The following KCNN3 variants were observed in gnomAD, a reference collection of about 807,000 sequenced individuals.
The protein encoded by KCNN3 is small conductance calcium-activated potassium channel protein 3.
KCNN3 carries 16 observed loss-of-function variants against 62.9 expected under a neutral mutation model. That is an observed-to-expected ratio of 0.25 (90% CI 0.17 to 0.39). The LOEUF is 0.39. Ranked by LOEUF, KCNN3 falls within the 10% of genes least tolerant of loss-of-function variation. The pLI is 1.00. For synonymous variants in KCNN3, 370 were observed against 389.2 expected (o/e 0.95, Z 0.58); for missense variants, 599 against 949.4 (o/e 0.63, Z 4.85).
At chr1:154,822,000 G>C in intron 2 of KCNN3, 89 bp downstream of exon 2, 1 of 916,936 alleles carries the variant, frequency 1.1e-6, no homozygotes, top group Non-Finnish European at 1.8e-6. Flanking sequence ...GCTGCTAAGG[G>C]AGTGGGTTTT....
rs536044605 is a variant in KCNN3, at chr1:154,755,766, G to A, written c.1448+16209C>T. Among the ~76,000 whole-genome samples, 33 of 57,210 alleles carry A rather than the reference G, an allele frequency of 5.8e-4. No homozygotes were observed. In the South Asian group the frequency reaches 9.3e-3, roughly 16 times the overall value. The allele number at this position is 57,210 out of a possible 152,430, so 37.5% of individuals were successfully genotyped here. On this transcript the variant is annotated intron_variant, in intron 3 of 7. Coordinates refer to ENST00000271915, the MANE Select transcript of KCNN3 (RefSeq NM_002249.6). ...GCAAAGAAGAAGAAGGAGGAGGAGA[G>A]GTGGAGGAGGAGAGAGAGAGGGGAG... is the stretch of plus-strand genomic sequence containing the variant.
At chr1:154,761,587 GCTC>G (rs959019643) in intron 3 of KCNN3, among the ~76,000 whole-genome samples, 4 of 151,962 alleles carry the variant, frequency 2.6e-5, no homozygotes, top group African/African-American at 9.7e-5. Flanking sequence ...TATTTTGTAC[GCTC>G]CTTTTTCAAA....
chr1:154,713,349 T>G (rs2101761668), intron 7 of KCNN3, 115 bp downstream of exon 7: 1 of 805,148 alleles, frequency 1.2e-6, no homozygotes, highest in Admixed American at 1.9e-5. Flanking sequence ...GAAATTTTTC[T>G]TTGCTTGCCT....
In KCNN3 at chr1:154,697,992, T is replaced by A. The variant is rs2101742478; in HGVS notation, c.*9984A>T. The A allele has an allele frequency of 6.6e-6, 1 of 152,358 alleles. No homozygotes were observed. Among genetic ancestry groups the A allele is most frequent in the African/African-American group, 2.4e-5 (1 of 41,584 alleles). 9.4% of individuals were successfully genotyped at this position (152,358 alleles called of 1,614,324 possible). On this transcript the variant is annotated 3_prime_UTR_variant, in exon 8 of 8. Coordinates refer to ENST00000271915, the MANE Select transcript of KCNN3 (RefSeq NM_002249.6). ...TCCTTAGATGAAAGGTATTACTGTG[T>A]ATAAGTATAAAGTACTATTATTTAG...
At chr1:154,776,993 G>T (rs1648818947) in intron 2 of KCNN3, among the ~76,000 whole-genome samples, 1 of 152,210 alleles carries the variant, frequency 6.6e-6, no homozygotes, top group South Asian at 2.1e-4. Flanking sequence ...TGTCTTCCTT[G>T]TTCCCTGTGG....
chr1:154,708,352 C>T lies in KCNN3; in HGVS notation c.1900-80G>A, dbSNP rs1280208160. 2.2e-5 allele frequency: 31 copies of T among 1,419,778 alleles called. 1 individual carries two copies. Among genetic ancestry groups the T allele is most frequent in the Non-Finnish European group, 3.0e-5 (30 of 1,011,712 alleles). 87.9% of individuals were successfully genotyped at this position (1,419,778 alleles called of 1,614,324 possible). A position where few individuals can be genotyped will look rare whatever the true frequency, so the allele number is the denominator to read the frequency against. Reference sequence around the variant, plus strand: ...ATCTGCAATGGGAGAAATGAAACGCCCTCCACAGTATGACAGGAGCCACTT... The same window carrying T: ...ATCTGCAATGGGAGAAATGAAACGCTCTCCACAGTATGACAGGAGCCACTT... On this transcript the variant is annotated intron_variant, in intron 7 of 7. Transcript: ENST00000271915.
intron 2 of KCNN3, among the ~76,000 whole-genome samples, chr1:154,813,363 T>G (rs1650514263): frequency 6.6e-6 from 1 of 152,080 alleles, no homozygotes; most frequent in Non-Finnish European, 1.5e-5. Context: ...GACAAGTGTG[T>G]GGTTTCCAAG....
chr1:154,766,599 G>A (rs1283546103), intron 3 of KCNN3, among the ~76,000 whole-genome samples: 4 of 149,364 alleles, frequency 2.7e-5, no homozygotes, highest in Admixed American at 1.3e-4. Context: ...AGCCTACAGG[G>A]TTTAGCTTGC....
chr1:154,714,541 G>GTGTA (rs1557938478), intron 6 of KCNN3, among the ~76,000 whole-genome samples: 1 of 72,208 alleles, frequency 1.4e-5, no homozygotes, highest in African/African-American at 5.1e-5. Flanking sequence ...TGGTGTGTGT[G>GTGTA]GGGTGTGTGT....
At chr1:154,866,741 A>G (rs1652969932) in intron 1 of KCNN3, among the ~76,000 whole-genome samples, 2 of 152,366 alleles carry the variant, frequency 1.3e-5, no homozygotes, top group South Asian at 2.1e-4. Context: ...CCTCTCAGCT[A>G]CTGCCCCCTC....
intron 3 of KCNN3, among the ~76,000 whole-genome samples, chr1:154,750,190 C>G (rs908823604): frequency 6.6e-6 from 1 of 152,210 alleles, no homozygotes; most frequent in Non-Finnish European, 1.5e-5. Flanking sequence ...ACACTTTTCC[C>G]TCAGAAGGGC....
intron 3 of KCNN3, among the ~76,000 whole-genome samples, chr1:154,759,190 G>A (rs964429913): frequency 3.7e-4 from 56 of 152,294 alleles, no homozygotes; most frequent in Admixed American, 2.9e-3. Flanking sequence ...AGCCTGGCGC[G>A]GGGGCCCCAA....
rs2878375 is a variant in KCNN3, at chr1:154,765,797, T to A, written c.1448+6178A>T. 4.4e-5 allele frequency among the ~76,000 whole-genome samples: 6 copies of A among 135,414 alleles called. No homozygotes were observed. The East Asian group carries it at 1.2e-3, about 27-fold the overall frequency. The allele number at this position is 135,414 out of a possible 152,430, so 88.8% of individuals were successfully genotyped here. ...CACTCCCGGCTAATGTTTTTTTTGGTTTTTTTTTGTTTTGTTTTGTTTTGT... is the reference window on the plus strand; with the variant it reads ...CACTCCCGGCTAATGTTTTTTTTGGATTTTTTTTGTTTTGTTTTGTTTTGT... On this transcript the variant is annotated intron_variant, in intron 3 of 7. Transcript: ENST00000271915.
At chr1:154,861,906 CACA>C (rs1652786333) in intron 1 of KCNN3, among the ~76,000 whole-genome samples, 1 of 152,276 alleles carries the variant, frequency 6.6e-6, no homozygotes, top group African/African-American at 2.4e-5. Context: ...ACAAAGATCA[CACA>C]ACAAGCTGGA....
intron 3 of KCNN3, among the ~76,000 whole-genome samples, chr1:154,765,678 G>C (rs570712798): frequency 3.7e-4 from 55 of 148,932 alleles, no homozygotes; most frequent in African/African-American, 1.2e-3. Flanking sequence ...ACCCAGGCTG[G>C]AGTGCAGTGG....
At chr1:154,795,614 A>T (rs1375297462) in intron 2 of KCNN3, among the ~76,000 whole-genome samples, 1 of 152,230 alleles carries the variant, frequency 6.6e-6, no homozygotes, top group Non-Finnish European at 1.5e-5. Context: ...GTAAATGAGC[A>T]GTGATGTAAA....
rs537078584 is a variant in KCNN3, at chr1:154,704,305, G to A, written c.*3671C>T. 3.9e-5 allele frequency: 6 copies of A among 152,332 alleles called. No homozygotes were observed. In the East Asian group the frequency reaches 1.2e-3, roughly 29 times the overall value. The allele number at this position is 152,332 out of a possible 1,614,324, so 9.4% of individuals were successfully genotyped here. A position where few individuals can be genotyped will look rare whatever the true frequency, so the allele number is the denominator to read the frequency against. On this transcript the variant is annotated 3_prime_UTR_variant, in exon 8 of 8. Coordinates refer to ENST00000271915, the MANE Select transcript of KCNN3 (RefSeq NM_002249.6). ...TATTAAGCACTTCTAGAGACATGATGTCATGAAGTTACGTATTAGGAAGAT... is the reference window on the plus strand; with the variant it reads ...TATTAAGCACTTCTAGAGACATGATATCATGAAGTTACGTATTAGGAAGAT...
At chr1:154,732,961 C>T in intron 4 of KCNN3, 42 bp downstream of exon 4, 1 of 1,612,640 alleles carries the variant, frequency 6.2e-7, no homozygotes, top group Non-Finnish European at 8.5e-7. Flanking sequence ...CAGCTCTTTG[C>T]CACATTTTAA....
chr1:154,789,099 C>T (rs72700257), intron 2 of KCNN3, among the ~76,000 whole-genome samples: 34,441 of 152,194 alleles, frequency 0.23, 5,061 homozygotes, highest in Middle Eastern at 0.32. Flanking sequence ...GTCCGCAGGG[C>T]TGGCTCCTTC....
Sources: allele counts gnomAD v4.1 joint callset (sites outside exome capture counted in the v4.1 genomes callset), GRCh38; gene constraint gnomAD v4.1.1; transcripts MANE v1.5; gene names NCBI Gene and HGNC (gene_info 2026-07-23, HGNC 2026-07-21).